The following ADAMTSL1 variants were observed in gnomAD, a reference collection of about 807,000 sequenced individuals.
ADAMTSL1 encodes the protein ADAMTS like 1.
A neutral mutation model predicts 201.8 loss-of-function variants in ADAMTSL1; 126 were observed. The observed-to-expected ratio is 0.62, with a 90% CI of 0.54 to 0.72. The LOEUF is 0.72. Among genes scored for constraint, ADAMTSL1 ranks in the 30% least tolerant of loss-of-function variants. ADAMTSL1 has a pLI of 0.00. For synonymous variants in ADAMTSL1, 1,121 were observed against 903.4 expected (o/e 1.24, Z -4.32); for missense variants, 2,679 against 2,277.8 (o/e 1.18, Z -3.59).
At chr9:18,281,801 C>G (rs1215356192) in intron 2 of ADAMTSL1, among the ~76,000 whole-genome samples, 1 of 152,124 alleles carries the variant, frequency 6.6e-6, no homozygotes, top group Non-Finnish European at 1.5e-5. Context: ...AACTCCTGGC[C>G]TCAAGTGATC....
intron 2 of ADAMTSL1, among the ~76,000 whole-genome samples, chr9:18,299,022 AAT>A (rs1554652761): frequency 1.1e-4 from 13 of 122,288 alleles, no homozygotes; most frequent in Admixed American, 3.4e-4. Flanking sequence ...AAAAAAAAAA[AAT>A]AATAATAATA....
At chr9:18,047,828 A>C (rs1821738557) in intron 1 of ADAMTSL1, among the ~76,000 whole-genome samples, 1 of 152,214 alleles carries the variant, frequency 6.6e-6, no homozygotes, top group African/African-American at 2.4e-5. Flanking sequence ...TCTGGGGAAA[A>C]AGATGAGTTC....
Position 18,908,248 on chromosome 9 carries a change from C to A in ADAMTSL1, c.5183-194C>A, listed in dbSNP as rs1027877819. On this transcript the variant is annotated intron_variant, in intron 28 of 28. Transcript: ENST00000380548. ...AGACAGCTGCAGGCTGGTGCCACCC[C>A]TGCTGTTGGCAGCCTTGGGGAGCAA... 5.4e-5 allele frequency: 33 copies of A among 606,290 alleles called. 1 individual carries two copies. Among genetic ancestry groups the A allele is most frequent in the South Asian group, 1.1e-4 (6 of 54,358 alleles). 37.6% of individuals were successfully genotyped at this position (606,290 alleles called of 1,614,324 possible).
chr9:18,887,738 C>T, intron 23 of ADAMTSL1, 93 bp from the exon 24 acceptor site: 1 of 1,168,672 alleles, frequency 8.6e-7, no homozygotes, highest in Non-Finnish European at 1.2e-6. Flanking sequence ...ATTGTGTGTA[C>T]AATTTCTAGA....
In ADAMTSL1 at chr9:18,776,970, A is replaced by G; in HGVS notation, c.2741A>G (p.Asp914Gly). ...VRKPLITWEK[D>G]GQHLISSTHV... ...AAGCCCCTCATCACCTGGGAGAAGGACGGCCAGCACCTCATCAGCTCGACG... is the reference window on the plus strand; with the variant it reads ...AAGCCCCTCATCACCTGGGAGAAGGGCGGCCAGCACCTCATCAGCTCGACG... The change falls in exon 19 of 29, where the codon GAC (aspartate) becomes GGC (glycine). Residue 914 changes from aspartate (D) to glycine (G), a missense_variant. Physicochemically the swap from Asp to Gly is moderately conservative, Grantham distance 94. Transcript: ENST00000380548. 2 of 1,597,666 alleles carry G rather than the reference A, an allele frequency of 1.3e-6. No homozygotes were observed. Among genetic ancestry groups the G allele is most frequent in the East Asian group, 2.2e-5 (1 of 44,592 alleles).
At chr9:18,510,790 T>C (rs1587415769) in intron 2 of ADAMTSL1, among the ~76,000 whole-genome samples, 1 of 152,022 alleles carries the variant, frequency 6.6e-6, no homozygotes, top group Non-Finnish European at 1.5e-5. Flanking sequence ...TACCTACTGG[T>C]GCTTGATGAT....
chr9:18,452,447 A>G (rs1159548145), intron 2 of ADAMTSL1, among the ~76,000 whole-genome samples: 2 of 152,184 alleles, frequency 1.3e-5, no homozygotes, highest in Non-Finnish European at 2.9e-5. Context: ...TGCAATGTGC[A>G]TTCATTCCAT....
intron 16 of ADAMTSL1, among the ~76,000 whole-genome samples, chr9:18,763,180 T>C (rs562930870): frequency 6.6e-6 from 1 of 152,330 alleles, no homozygotes; most frequent in East Asian, 1.9e-4. Context: ...TTATTGCCTG[T>C]CTTTTTGATA....
chr9:18,424,876 T>A (rs909395657), intron 2 of ADAMTSL1, among the ~76,000 whole-genome samples: 2 of 152,180 alleles, frequency 1.3e-5, no homozygotes, highest in African/African-American at 2.4e-5. Flanking sequence ...ATGTGGTTCA[T>A]CGCAAAAGAG....
intron 1 of ADAMTSL1, among the ~76,000 whole-genome samples, chr9:17,984,199 T>A (rs1818832370): frequency 6.6e-6 from 1 of 152,052 alleles, no homozygotes; most frequent in Admixed American, 6.6e-5. Flanking sequence ...AAAATAGAAT[T>A]TTTCCTAATT....
intron 7 of ADAMTSL1, 83 bp downstream of exon 7, chr9:18,639,494 G>T: frequency 1.3e-6 from 2 of 1,510,548 alleles, no homozygotes; most frequent in Non-Finnish European, 1.8e-6. Context: ...AGCGATTTTT[G>T]GTTCTGACAT....
At chr9:18,221,011 G>C (rs1830237391) in intron 2 of ADAMTSL1, among the ~76,000 whole-genome samples, 1 of 152,058 alleles carries the variant, frequency 6.6e-6, no homozygotes, top group Non-Finnish European at 1.5e-5. Flanking sequence ...ATGAGCCTAA[G>C]AGACCCACCC....
At chr9:18,021,334 C>G (rs1294058889) in intron 1 of ADAMTSL1, among the ~76,000 whole-genome samples, 1 of 152,088 alleles carries the variant, frequency 6.6e-6, no homozygotes, top group African/African-American at 2.4e-5. Context: ...TGTAACAAAT[C>G]ATTTTAAAAA....
At chr9:18,488,339 C>T (rs1822101180) in intron 1 of ADAMTSL1, among the ~76,000 whole-genome samples, 2 of 152,166 alleles carry the variant, frequency 1.3e-5, no homozygotes, top group South Asian at 4.2e-4. Flanking sequence ...TACCATAATT[C>T]AGTAGCTTCC....
intron 2 of ADAMTSL1, among the ~76,000 whole-genome samples, chr9:18,172,939 G>A (rs984361416): frequency 2.6e-5 from 4 of 152,026 alleles, no homozygotes; most frequent in South Asian, 2.1e-4. Flanking sequence ...ACAGAGGTGC[G>A]AAAAATATGC....
chr9:18,748,996 G>C (rs765698680), intron 15 of ADAMTSL1, among the ~76,000 whole-genome samples: 2 of 152,118 alleles, frequency 1.3e-5, no homozygotes, highest in African/African-American at 4.8e-5. Flanking sequence ...TAGATGCATC[G>C]CTCCAGTCTC....
intron 4 of ADAMTSL1, among the ~76,000 whole-genome samples, chr9:18,616,288 G>A (rs2132637694): frequency 6.6e-6 from 1 of 152,316 alleles, no homozygotes; most frequent in African/African-American, 2.4e-5. Context: ...GCCTCCCAAA[G>A]TGTTGGGATT....
chr9:18,622,306 G>A lies in ADAMTSL1; in HGVS notation c.538G>A (p.Gly180Arg), dbSNP rs1366970312. The A allele has an allele frequency of 5.0e-6, 8 of 1,613,890 alleles. No homozygotes were observed. Among genetic ancestry groups the A allele is most frequent in the African/African-American group, 2.7e-5 (2 of 74,912 alleles). The change falls in exon 5 of 29, where the codon GGA becomes AGA. Residue 180 changes from glycine (G) to arginine (R), a missense_variant. Gly to Arg is a moderately radical substitution (Grantham distance 125). Transcript: ENST00000380548. Reference sequence around the variant, plus strand: ...GGAAGATAACTGTGGGGTCTGCAACGGAGATGGGTCCACCTGCCGGCTGGT... The same window carrying A: ...GGAAGATAACTGTGGGGTCTGCAACAGAGATGGGTCCACCTGCCGGCTGGT... ...VKEDNCGVCN[G>R]DGSTCRLVRG...
chr9:18,801,544 A>G (rs1052695626), intron 20 of ADAMTSL1, among the ~76,000 whole-genome samples: 19 of 152,078 alleles, frequency 1.2e-4, no homozygotes, highest in African/African-American at 4.3e-4. Context: ...TCCACCCTCA[A>G]GTAAGCCCCA....
Sources: allele counts gnomAD v4.1 joint callset (sites outside exome capture counted in the v4.1 genomes callset), GRCh38; gene constraint gnomAD v4.1.1; transcripts MANE v1.5; gene names NCBI Gene and HGNC (gene_info 2026-07-23, HGNC 2026-07-21).